ABTB2: variants seen among roughly 807,000 people sequenced by gnomAD.
ABTB2 encodes the protein ankyrin repeat and BTB domain containing 2.
Under a neutral mutation model 104.1 loss-of-function variants are expected in ABTB2, and 56 were observed. The observed-to-expected ratio is 0.54, with a 90% CI of 0.43 to 0.67. The LOEUF (loss-of-function observed/expected upper bound fraction) is 0.67, where lower values mean the gene tolerates loss of function less well. Among genes scored for constraint, ABTB2 ranks in the 30% least tolerant of loss-of-function variants. The pLI is 0.00. For synonymous variants in ABTB2, 606 were observed against 608.2 expected, an observed-to-expected ratio of 1.00 and a Z score of 0.05; for missense variants, 1,279 against 1,407.7, an observed-to-expected ratio of 0.91 and a Z score of 1.46.
intron 1 of ABTB2, among the ~76,000 whole-genome samples, chr11:34,256,628 T>C (rs2133072004): frequency 6.6e-6 from 1 of 152,258 alleles, no homozygotes; most frequent in South Asian, 2.1e-4. Flanking sequence ...GTCGGCAACC[T>C]GTACAGTGTG....
chr11:34,162,583 C>T lies in ABTB2; in HGVS notation c.2211G>A (p.Arg737=). The part of the protein sequence containing the change: ...HGYVDITMEL[R]ALGVPWKLHI... Reference sequence around the variant, plus strand: ...ATGCCCGTGAGGCCTCACCCAGTGCCCTCAGCTCCATGGTGATGTCCACGT... The same window carrying T: ...ATGCCCGTGAGGCCTCACCCAGTGCTCTCAGCTCCATGGTGATGTCCACGT... Residue 737 remains arginine, a synonymous_variant, in exon 10 of 17, where the codon AGG becomes AGA. Coordinates refer to ENST00000435224, the MANE Select transcript of ABTB2 (RefSeq NM_145804.3). The T allele has an allele frequency of 6.2e-7, 1 of 1,613,492 alleles. No homozygotes were observed.
chr11:34,160,074 G>A (rs1365503243), intron 12 of ABTB2, 66 bp from the exon 13 acceptor site: 2 of 1,401,274 alleles, frequency 1.4e-6, no homozygotes, highest in Non-Finnish European at 2.0e-6. Context: ...GCTTGAGTGT[G>A]CTGTGAGGTG....
chr11:34,273,766 C>T (rs1384028742), intron 1 of ABTB2, among the ~76,000 whole-genome samples: 2 of 152,170 alleles, frequency 1.3e-5, no homozygotes, highest in Non-Finnish European at 2.9e-5. Context: ...GAAAGGAACT[C>T]AGACACCTTT....
chr11:34,279,804 T>TC (rs1854428800), intron 1 of ABTB2, among the ~76,000 whole-genome samples: 4 of 151,104 alleles, frequency 2.6e-5, no homozygotes, highest in African/African-American at 9.7e-5. Flanking sequence ...TTTTTTTTTT[T>TC]TGAGATGGAG....
At chr11:34,164,952 T>C in intron 8 of ABTB2, 131 bp from the exon 9 acceptor site, 1 of 1,164,488 alleles carries the variant, frequency 8.6e-7, no homozygotes, top group South Asian at 1.5e-5. Context: ...CCCACACTCA[T>C]CTGCATTTGG....
intron 1 of ABTB2, 107 bp from the exon 2 acceptor site, chr11:34,204,797 A>G: frequency 1.6e-6 from 2 of 1,290,270 alleles, no homozygotes; most frequent in South Asian, 1.5e-5. Flanking sequence ...CTCTTGACAG[A>G]GAGAGGTTCA....
chr11:34,293,726 A>ATT (rs78765419), intron 1 of ABTB2, among the ~76,000 whole-genome samples: 5,723 of 149,328 alleles, frequency 0.038, 127 homozygotes, highest in Non-Finnish European at 0.059. Flanking sequence ...AACAAGGTAA[A>ATT]TTTTTTTTTT....
chr11:34,267,418 C>A (rs1854265044), intron 1 of ABTB2, among the ~76,000 whole-genome samples: 1 of 152,180 alleles, frequency 6.6e-6, no homozygotes, highest in South Asian at 2.1e-4. Flanking sequence ...CGGCATCACT[C>A]CCTGCCCCCA....
chr11:34,310,657 A>C (rs1854839753), intron 1 of ABTB2, among the ~76,000 whole-genome samples: 2 of 150,308 alleles, frequency 1.3e-5, no homozygotes, highest in African/African-American at 2.5e-5. Flanking sequence ...CTTTCCTTGC[A>C]CCTCCCTCAC....
intron 12 of ABTB2, 113 bp downstream of exon 12, chr11:34,160,135 G>T: frequency 7.9e-7 from 1 of 1,270,124 alleles, no homozygotes; most frequent in Non-Finnish European, 1.1e-6. Context: ...GAGAAACTGA[G>T]GCTGGGGCCT....
At chr11:34,201,365 G>A (rs1361256655) in intron 2 of ABTB2, among the ~76,000 whole-genome samples, 3 of 152,182 alleles carry the variant, frequency 2.0e-5, no homozygotes, top group Admixed American at 2.0e-4. Flanking sequence ...CAGCAGGAGA[G>A]AGTCTGGAAT....
At chr11:34,171,937 G>A (rs374638397) in intron 4 of ABTB2, among the ~76,000 whole-genome samples, 9 of 152,180 alleles carry the variant, frequency 5.9e-5, no homozygotes, top group African/African-American at 1.7e-4. Context: ...TATAGGGGGC[G>A]CATCACAGAC....
chr11:34,311,336 A>G (rs1854850832), intron 1 of ABTB2, among the ~76,000 whole-genome samples: 1 of 152,218 alleles, frequency 6.6e-6, no homozygotes, highest in South Asian at 2.1e-4. Flanking sequence ...CAAGAAATCT[A>G]AAAATACTGA....
rs535355028 is a variant in ABTB2 at position 34,154,687 on chromosome 11, C to T, written c.2766+14G>A. ...ACCCTAGCCCAGGCCCCCTCCCCCTCTCCCGAGTCTCACCTCCAGGATGTC... is the reference window on the plus strand; with the variant it reads ...ACCCTAGCCCAGGCCCCCTCCCCCTTTCCCGAGTCTCACCTCCAGGATGTC... On this transcript the variant is annotated intron_variant, in intron 15 of 16. Transcript: ENST00000435224. This position sits in a 1 kb window ranked among gnomAD's most constrained non-coding sequence, Gnocchi z 4.9. 7 of 1,613,940 alleles carry T rather than the reference C, an allele frequency of 4.3e-6. No individual in the cohort carries two copies. The East Asian group carries it at 1.1e-4, about 26-fold the overall frequency.
chr11:34,337,276 G>A (rs1855202879), intron 1 of ABTB2, among the ~76,000 whole-genome samples: 1 of 152,262 alleles, frequency 6.6e-6, no homozygotes, highest in Non-Finnish European at 1.5e-5. Flanking sequence ...TGTAGGGAAG[G>A]AGGCAGGGGT....
chr11:34,310,923 G>A (rs1854844901), intron 1 of ABTB2, among the ~76,000 whole-genome samples: 1 of 152,244 alleles, frequency 6.6e-6, no homozygotes, highest in East Asian at 1.9e-4. Context: ...TGGAAGGGAA[G>A]CAATTTCCCC....
intron 1 of ABTB2, among the ~76,000 whole-genome samples, chr11:34,213,215 C>T (rs289975): frequency 0.017 from 2,548 of 152,280 alleles, 43 homozygotes; most frequent in South Asian, 0.038. Context: ...CAGTGGCTCA[C>T]GCCTGTAATC....
chr11:34,267,980 G>A (rs1854270674), intron 1 of ABTB2, among the ~76,000 whole-genome samples: 1 of 152,216 alleles, frequency 6.6e-6, no homozygotes, highest in Admixed American at 6.5e-5. Flanking sequence ...GCCCAGGCTG[G>A]AGTGCAGTGG....
chr11:34,170,916 A>G lies in ABTB2; in HGVS notation c.1553T>C (p.Met518Thr), dbSNP rs769776203. ...EALGPDGVNT[M>T]DDQGMTPLMY... ...GCTCTCAGGACGTACCTGGTCATCC[A>G]TGGTGTTAACCCCATCCGGACCCAA... The change falls in exon 5 of 17, where the codon ATG (methionine) becomes ACG (threonine). Residue 518 changes from methionine to threonine, a missense_variant. Coordinates refer to ENST00000435224, the MANE Select transcript of ABTB2 (RefSeq NM_145804.3). 6.2e-6 allele frequency: 10 copies of G among 1,613,636 alleles called. No individual in the cohort carries two copies. Among genetic ancestry groups the G allele is most frequent in the Admixed American group, 1.7e-5 (1 of 59,922 alleles).
Sources: gnomAD v4.1 joint callset for allele counts (sites outside exome capture counted in the v4.1 genomes callset) on GRCh38, gnomAD v4.1.1 for gene constraint, Gnocchi (gnomAD v3.1) non-coding constraint, MANE v1.5 for transcripts, NCBI Gene and HGNC (gene_info 2026-07-23, HGNC 2026-07-21) for gene names.